The following AOPEP variants were observed in gnomAD, a reference collection of about 807,000 sequenced individuals.
AOPEP encodes the protein aminopeptidase O.
Under a neutral mutation model 98.1 loss-of-function variants are expected in AOPEP, and 77 were observed. The ratio of observed to expected loss-of-function variants is 0.78; its 90% confidence interval spans 0.65 to 0.95. The LOEUF (loss-of-function observed/expected upper bound fraction) is 0.95, where lower values mean the gene tolerates loss of function less well. Among genes scored for constraint, AOPEP ranks in the 40% least tolerant of loss-of-function variants. The pLI is 0.00. For missense variants in AOPEP, 1,024 were observed against 1,024.7 expected (o/e 1.00, Z 0.01); for synonymous variants, 346 against 365.3 (o/e 0.95, Z 0.60).
chr9:94,792,642 C>A, intron 3 of AOPEP, 123 bp from the exon 4 acceptor site: 1 of 923,726 alleles, frequency 1.1e-6, no homozygotes, highest in Non-Finnish European at 1.6e-6. Flanking sequence ...CGTGACCGAC[C>A]TCCAAGAGTT....
intron 13 of AOPEP, among the ~76,000 whole-genome samples, chr9:95,041,446 G>GT (rs200579150): frequency 0.035 from 5,036 of 141,966 alleles, 118 homozygotes; most frequent in Middle Eastern, 0.059. Context: ...AGTCCTTGGG[G>GT]GTGTGTGTGT....
intron 9 of AOPEP, among the ~76,000 whole-genome samples, chr9:94,967,027 G>A (rs2059243219): frequency 6.6e-6 from 1 of 152,138 alleles, no homozygotes; most frequent in Non-Finnish European, 1.5e-5. Context: ...ACAGGAAGAG[G>A]GAAAGTGGAT....
chr9:94,922,078 T>A (rs1455760721), intron 5 of AOPEP, among the ~76,000 whole-genome samples: 1 of 151,954 alleles, frequency 6.6e-6, no homozygotes, highest in African/African-American at 2.4e-5. Context: ...CAAGGACTGC[T>A]CAAGGGGAAA....
At chr9:95,014,303 GA>G (rs997841535) in intron 13 of AOPEP, among the ~76,000 whole-genome samples, 17 of 147,530 alleles carry the variant, frequency 1.2e-4, no homozygotes, top group Admixed American at 5.4e-4. Flanking sequence ...CCCATCTCTA[GA>G]AAAAAAAAAG....
chr9:94,958,640 A>G (rs2058622979), intron 9 of AOPEP, among the ~76,000 whole-genome samples: 1 of 152,152 alleles, frequency 6.6e-6, no homozygotes, highest in African/African-American at 2.4e-5. Context: ...TGTGATGGCT[A>G]ATGATTTTGA....
chr9:95,095,476 T>TAGA, the AOPEP span, among the ~76,000 whole-genome samples: 1 of 152,356 alleles, frequency 6.6e-6, no homozygotes, highest in East Asian at 1.9e-4. Context: ...AGAAGAGCTT[T>TAGA]AGAAGTTAGG....
At chr9:94,945,949 T>C (rs755519876) in intron 7 of AOPEP, among the ~76,000 whole-genome samples, 16 of 152,328 alleles carry the variant, frequency 1.1e-4, no homozygotes, top group South Asian at 2.1e-4. Context: ...GCCTGAGTTA[T>C]GGCTGAGTCA....
At chr9:94,913,550 A>C (rs1317800043) in intron 5 of AOPEP, among the ~76,000 whole-genome samples, 1 of 152,252 alleles carries the variant, frequency 6.6e-6, no homozygotes, top group East Asian at 1.9e-4. Context: ...TGAATCCCCA[A>C]TAGCCAGGTG....
At chr9:94,910,216 G>GA (rs2051816684) in intron 5 of AOPEP, among the ~76,000 whole-genome samples, 1 of 152,118 alleles carries the variant, frequency 6.6e-6, no homozygotes, top group Non-Finnish European at 1.5e-5. Flanking sequence ...CCTTCCCAGA[G>GA]CCCTCCCTGG....
At chr9:94,795,505 T>C (rs1846725951) in intron 4 of AOPEP, among the ~76,000 whole-genome samples, 1 of 152,250 alleles carries the variant, frequency 6.6e-6, no homozygotes, top group African/African-American at 2.4e-5. Context: ...AGTACTCTTC[T>C]CTTTTTCATC....
At chr9:95,022,743 T>A (rs1435388899) in intron 13 of AOPEP, among the ~76,000 whole-genome samples, 1 of 152,218 alleles carries the variant, frequency 6.6e-6, no homozygotes, top group African/African-American at 2.4e-5. Flanking sequence ...AGAAATAGTT[T>A]GTTGAGAGTG....
At chr9:94,978,055 G>T (rs1436683859) in intron 10 of AOPEP, among the ~76,000 whole-genome samples, 2 of 152,088 alleles carry the variant, frequency 1.3e-5, no homozygotes, top group Non-Finnish European at 2.9e-5. Flanking sequence ...TTTTCCTCCA[G>T]CCCTCCCAAA....
chr9:95,142,234 C>T, the AOPEP span, among the ~76,000 whole-genome samples: 3 of 151,978 alleles, frequency 2.0e-5, no homozygotes, highest in Non-Finnish European at 2.9e-5. Context: ...CTCAGGTGAT[C>T]CACCTGCCTC....
chr9:95,068,036 A>G (rs2068091276), intron 14 of AOPEP, among the ~76,000 whole-genome samples: 1 of 152,130 alleles, frequency 6.6e-6, no homozygotes, highest in Admixed American at 6.5e-5. Flanking sequence ...TTTATTGCCA[A>G]ATATTTTGAG....
At chr9:95,028,145 A>C (rs2063992725) in intron 13 of AOPEP, among the ~76,000 whole-genome samples, 1 of 152,238 alleles carries the variant, frequency 6.6e-6, no homozygotes, top group African/African-American at 2.4e-5. Context: ...CCAGAAGTTC[A>C]TGGGAGGAAA....
chr9:95,085,288 G>A (rs752742190), intron 16 of AOPEP: 12 of 482,400 alleles, frequency 2.5e-5, no homozygotes, highest in African/African-American at 5.9e-5. Flanking sequence ...GGATTACCAC[G>A]CAACCACGAC....
At chr9:95,092,279 G>A in the AOPEP span, among the ~76,000 whole-genome samples, 1 of 152,150 alleles carries the variant, frequency 6.6e-6, no homozygotes, top group Non-Finnish European at 1.5e-5. Flanking sequence ...TGGGCCCAGG[G>A]GGAGCTGCTG....
At chr9:95,087,639 G>T (rs541634562), downstream of AOPEP, among the ~76,000 whole-genome samples, 2 of 152,054 alleles carry the variant, frequency 1.3e-5, no homozygotes, top group Non-Finnish European at 2.9e-5. Flanking sequence ...GCTGCGCGTG[G>T]GGCACCCTCT....
At chr9:94,755,553 T>G (rs12338982) in intron 1 of AOPEP, among the ~76,000 whole-genome samples, 13,501 of 152,264 alleles carry the variant, frequency 0.089, 712 homozygotes, top group African/African-American at 0.13. Context: ...TTCAGAATCT[T>G]CTGGGGCTGG....
Sources: gnomAD v4.1 joint callset for allele counts (sites outside exome capture counted in the v4.1 genomes callset) on GRCh38, gnomAD v4.1.1 for gene constraint, MANE v1.5 for transcripts, NCBI Gene and HGNC (gene_info 2026-07-23, HGNC 2026-07-21) for gene names.